Variants in VGLL4 observed in about 807,000 individuals in gnomAD.
VGLL4 encodes vestigial like family member 4.
A neutral mutation model predicts 21.0 loss-of-function variants in VGLL4; 7 were observed. That is an observed-to-expected ratio of 0.33 (90% CI 0.19 to 0.63). The LOEUF (loss-of-function observed/expected upper bound fraction) is 0.63. Among genes scored for constraint, VGLL4 ranks in the 20% least tolerant of loss-of-function variants. The probability of loss-of-function intolerance (pLI) is 0.78; values close to 1 mark genes in which losing one functional copy is unlikely to be tolerated. For synonymous variants in VGLL4, 222 were observed against 173.2 expected (o/e 1.28, Z -2.21); for missense variants, 394 against 425.7 (o/e 0.93, Z 0.66).
chr3:11,632,305 T>C (rs542583288), intron 1 of VGLL4, among the ~76,000 whole-genome samples: 1 of 126,496 alleles, frequency 7.9e-6, no homozygotes, highest in Non-Finnish European at 1.7e-5. Context: ...AGAGCAACAC[T>C]CTGTCTCAAA....
intron 2 of VGLL4, among the ~76,000 whole-genome samples, chr3:11,580,945 G>A (rs905795750): frequency 4.6e-5 from 7 of 152,222 alleles, no homozygotes; most frequent in South Asian, 2.1e-4. Context: ...TCAAGTCATC[G>A]GAGGATGGCT....
At chr3:11,717,688 G>C (rs2076938666) in intron 1 of VGLL4, among the ~76,000 whole-genome samples, 1 of 152,056 alleles carries the variant, frequency 6.6e-6, no homozygotes, top group Admixed American at 6.6e-5. Flanking sequence ...ATGTCTGTAA[G>C]AAGTGTTAAA....
At chr3:11,562,798 T>A (rs998412969) in intron 3 of VGLL4, among the ~76,000 whole-genome samples, 1 of 152,180 alleles carries the variant, frequency 6.6e-6, no homozygotes, top group Non-Finnish European at 1.5e-5. Flanking sequence ...CCCAGGAAAA[T>A]GGGCAGCTTG....
At chr3:11,665,131 T>TTTTTTTTTTTTTTA (rs2076100261) in intron 2 of VGLL4, among the ~76,000 whole-genome samples, 1 of 95,438 alleles carries the variant, frequency 1.0e-5, no homozygotes, top group African/African-American at 3.7e-5. Context: ...TTTTTTTTTT[T>TTTTTTTTTTTTTTA]GAGACGGAGT....
chr3:11,642,604 G>A (rs2075715531), intron 1 of VGLL4, among the ~76,000 whole-genome samples: 1 of 152,238 alleles, frequency 6.6e-6, no homozygotes, highest in Non-Finnish European at 1.5e-5. Context: ...CAGACCCAGG[G>A]CCATTGCCAC....
At chr3:11,573,323 GAAAGAAAGAAAGAAAGAAAGA>G (rs2073913828) in intron 2 of VGLL4, among the ~76,000 whole-genome samples, 50 of 34,446 alleles carry the variant, frequency 1.5e-3, no homozygotes, top group East Asian at 0.014. Flanking sequence ...AAGGAAGAAA[GAAAGAAAGAAAGAAAGAAAGA>G]AAGAAAGAAA....
chr3:11,564,863 C>A lies in VGLL4; in HGVS notation c.429G>T (p.Lys143Asn), dbSNP rs1332523006. ...CTGGCCTGCTGGCGTCCAGGCTGTT[C>A]TTGGTCAGTGCGAGGGGCTGCTCCA... is the stretch of plus-strand genomic sequence containing the variant. ...LGLEQPLALT[K>N]NSLDASRPAG... The change falls in exon 3 of 5, where the codon AAG becomes AAT. Residue 143 changes from lysine (K) to asparagine (N), a missense_variant. By Grantham distance (94) the Lys-to-Asn change is moderately conservative (BLOSUM62 0). Transcript: ENST00000430365. 1.2e-5 allele frequency: 19 copies of A among 1,608,912 alleles called. No homozygotes were observed. The highest frequency in any genetic ancestry group is 1.5e-5 in the Non-Finnish European group (18 of 1,178,636).
intron 2 of VGLL4, among the ~76,000 whole-genome samples, chr3:11,575,096 G>A (rs1428906367): frequency 6.6e-6 from 1 of 152,172 alleles, no homozygotes; most frequent in Non-Finnish European, 1.5e-5. Context: ...GAGGAAAAGT[G>A]GATTGAGAGG....
intron 3 of VGLL4, among the ~76,000 whole-genome samples, chr3:11,561,631 C>T (rs1484490972): frequency 6.6e-6 from 1 of 152,154 alleles, no homozygotes; most frequent in Non-Finnish European, 1.5e-5. Context: ...CCCAGGCCTC[C>T]AGATGGTGAG....
chr3:11,671,348 G>A (rs371787276), intron 2 of VGLL4: 72 of 1,263,710 alleles, frequency 5.7e-5, no homozygotes, highest in Admixed American at 3.9e-4. Context: ...CATCAGTTCC[G>A]CAGCGAGGAC....
chr3:11,649,894 T>TTTG (rs1559923471), intron 2 of VGLL4, among the ~76,000 whole-genome samples: 3 of 134,888 alleles, frequency 2.2e-5, no homozygotes, highest in Non-Finnish European at 4.6e-5. Context: ...ACAAGTGCTC[T>TTTG]ATTTGGTTTG....
chr3:11,590,589 C>A (rs757134998), intron 2 of VGLL4, among the ~76,000 whole-genome samples: 9 of 151,554 alleles, frequency 5.9e-5, no homozygotes, highest in Non-Finnish European at 1.2e-4. Flanking sequence ...ACTGCCAGAC[C>A]CAGAACATTA....
At chr3:11,574,585 C>A (rs867958652) in intron 2 of VGLL4, among the ~76,000 whole-genome samples, 35 of 152,288 alleles carry the variant, frequency 2.3e-4, no homozygotes, top group South Asian at 2.1e-4. Flanking sequence ...GTCACCTAGA[C>A]CACTGTAGGG....
At chr3:11,631,257 C>G (rs1418388026) in intron 1 of VGLL4, among the ~76,000 whole-genome samples, 1 of 148,726 alleles carries the variant, frequency 6.7e-6, no homozygotes, top group Non-Finnish European at 1.5e-5. Context: ...GATGAGAATG[C>G]TCTCCCTCTT....
intron 2 of VGLL4, among the ~76,000 whole-genome samples, chr3:11,572,638 C>T (rs1366718116): frequency 6.6e-6 from 1 of 152,182 alleles, no homozygotes; most frequent in Non-Finnish European, 1.5e-5. Context: ...TCCGGAAGCA[C>T]ACATCCGTCG....
chr3:11,668,511 G>A (rs1229741168), intron 2 of VGLL4, among the ~76,000 whole-genome samples: 1 of 152,100 alleles, frequency 6.6e-6, no homozygotes, highest in Non-Finnish European at 1.5e-5. Context: ...TTGGGGCCCA[G>A]GAATCTTAAT....
intron 2 of VGLL4, among the ~76,000 whole-genome samples, chr3:11,668,929 G>A (rs927790734): frequency 6.6e-6 from 1 of 151,892 alleles, no homozygotes; most frequent in African/African-American, 2.4e-5. Context: ...TTCATGCCAG[G>A]GTTCGTGCTG....
At chr3:11,714,810 T>C (rs1044454438) in intron 1 of VGLL4, among the ~76,000 whole-genome samples, 5 of 152,200 alleles carry the variant, frequency 3.3e-5, no homozygotes, top group African/African-American at 1.2e-4. Context: ...AAGCGACACA[T>C]ATTCTTAGGG....
intron 2 of VGLL4, among the ~76,000 whole-genome samples, chr3:11,571,981 C>T (rs2073794859): frequency 6.6e-6 from 1 of 152,162 alleles, no homozygotes; most frequent in Admixed American, 6.5e-5. Flanking sequence ...GTGTCACGTA[C>T]CTGCAGCCCC....
Sources: allele counts gnomAD v4.1 joint callset (sites outside exome capture counted in the v4.1 genomes callset), GRCh38; gene constraint gnomAD v4.1.1; transcripts MANE v1.5; gene names NCBI Gene and HGNC (gene_info 2026-07-23, HGNC 2026-07-21).